The following RAP1GAP2 variants were observed in gnomAD, a reference collection of about 807,000 sequenced individuals.
RAP1GAP2 encodes RAP1 GTPase activating protein 2, also known as rap1 GTPase-activating protein 2.
In RAP1GAP2, 27 loss-of-function variants were observed where a neutral mutation model predicts 95.0. That is an observed-to-expected ratio of 0.28 (90% CI 0.21 to 0.39). The LOEUF (loss-of-function observed/expected upper bound fraction) is 0.39. RAP1GAP2 is among the 10% of genes least tolerant of loss of function. The probability of loss-of-function intolerance (pLI) is 1.00; values close to 1 mark genes in which losing one functional copy is unlikely to be tolerated. For missense variants in RAP1GAP2, 771 were observed against 970.0 expected (o/e 0.79, Z 2.72); for synonymous variants, 373 against 380.9 (o/e 0.98, Z 0.24).
chr17:2,766,481 C>T (rs1280700686), intron 1 of RAP1GAP2, among the ~76,000 whole-genome samples: 2 of 151,728 alleles, frequency 1.3e-5, no homozygotes, highest in Non-Finnish European at 2.9e-5. Flanking sequence ...ACTAAAAATA[C>T]AAAAAATTGT....
intron 2 of RAP1GAP2, among the ~76,000 whole-genome samples, chr17:2,864,589 G>C (rs945804971): frequency 6.6e-6 from 1 of 152,224 alleles, no homozygotes; most frequent in African/African-American, 2.4e-5. Flanking sequence ...AGGACGGGAC[G>C]TACGGTGTGG....
At chr17:3,009,929 G>T (rs781206180) in intron 17 of RAP1GAP2, among the ~76,000 whole-genome samples, 1 of 152,082 alleles carries the variant, frequency 6.6e-6, no homozygotes, top group Admixed American at 6.5e-5. Flanking sequence ...AGGCAGGAAG[G>T]GGGGCACCAC....
chr17:3,002,640 C>T (rs2046200022), intron 14 of RAP1GAP2, among the ~76,000 whole-genome samples: 1 of 152,194 alleles, frequency 6.6e-6, no homozygotes. Flanking sequence ...CCCAGGAGGC[C>T]TCCACTGGGG....
intron 3 of RAP1GAP2, among the ~76,000 whole-genome samples, chr17:2,949,162 A>G (rs968701821): frequency 1.1e-4 from 16 of 152,186 alleles, no homozygotes; most frequent in Admixed American, 4.6e-4. Context: ...GTGGTTATCT[A>G]TTGACTGGCT....
chr17:2,834,658 A>G (rs772109435), intron 2 of RAP1GAP2, among the ~76,000 whole-genome samples: 38 of 152,092 alleles, frequency 2.5e-4, no homozygotes, highest in Admixed American at 1.6e-3. Context: ...TTAGCTGGGC[A>G]TGGTGGCAGG....
In RAP1GAP2 at chr17:2,825,431, G is replaced by A. The variant is rs1211727616; in HGVS notation, c.80+24881G>A. On this transcript the variant is annotated intron_variant, in intron 2 of 24. Transcript: ENST00000254695. The surrounding 1 kb of genome is among the most constrained non-coding windows in gnomAD (Gnocchi z 4.1). Reference sequence around the variant, plus strand: ...CTTTGACTGAGCTGTTGACAGCACCGAGGCCAGAGGCAGGAGAAATGAAGC... The same window carrying A: ...CTTTGACTGAGCTGTTGACAGCACCAAGGCCAGAGGCAGGAGAAATGAAGC... Among the ~76,000 whole-genome samples the A allele has an allele frequency of 1.3e-5, 2 of 152,134 alleles. No homozygotes were observed. Among genetic ancestry groups the A allele is most frequent in the Admixed American group, 6.6e-5 (1 of 15,252 alleles).
intron 12 of RAP1GAP2, among the ~76,000 whole-genome samples, chr17:2,992,036 G>T (rs2045774039): frequency 6.6e-6 from 1 of 152,102 alleles, no homozygotes; most frequent in Admixed American, 6.6e-5. Context: ...AAAGTGCTAG[G>T]ATTACCGGCG....
intron 2 of RAP1GAP2, among the ~76,000 whole-genome samples, chr17:2,801,795 A>C (rs1310560312): frequency 5.3e-5 from 8 of 152,066 alleles, no homozygotes; most frequent in Admixed American, 3.9e-4. Flanking sequence ...CCGTCTGCTG[A>C]GGTCCGAAGC....
At chr17:2,910,228 G>A (rs1182298080) in intron 3 of RAP1GAP2, among the ~76,000 whole-genome samples, 1 of 152,170 alleles carries the variant, frequency 6.6e-6, no homozygotes, top group Non-Finnish European at 1.5e-5. Flanking sequence ...CCTGGGACTT[G>A]TTTATGGTTG....
chr17:2,959,935 G>A (rs954335126), intron 4 of RAP1GAP2, among the ~76,000 whole-genome samples: 2 of 151,992 alleles, frequency 1.3e-5, no homozygotes, highest in Non-Finnish European at 2.9e-5. Flanking sequence ...GACCAGCCTG[G>A]CCAACCTGGT....
chr17:2,832,961 G>A (rs1474984363), intron 2 of RAP1GAP2, among the ~76,000 whole-genome samples: 1 of 151,936 alleles, frequency 6.6e-6, no homozygotes, highest in Non-Finnish European at 1.5e-5. Context: ...CCGGGTCACA[G>A]AGCAAGACTG....
intron 1 of RAP1GAP2, among the ~76,000 whole-genome samples, chr17:2,780,279 G>T (rs749544644): frequency 6.6e-6 from 1 of 152,208 alleles, no homozygotes; most frequent in Non-Finnish European, 1.5e-5. Context: ...TCGAACTCCT[G>T]ACCTCAGGTG....
At chr17:2,978,032 A>G (rs1028213365) in intron 8 of RAP1GAP2, among the ~76,000 whole-genome samples, 1 of 152,078 alleles carries the variant, frequency 6.6e-6, no homozygotes, top group Admixed American at 6.6e-5. Context: ...TCACCCACAC[A>G]TGTCATCCTC....
chr17:2,923,557 C>A (rs1468775206), intron 3 of RAP1GAP2, among the ~76,000 whole-genome samples: 2 of 151,782 alleles, frequency 1.3e-5, no homozygotes, highest in Admixed American at 6.6e-5. Context: ...TGGTCTCGAA[C>A]TCCTGACCTC....
chr17:2,865,979 C>T (rs1226107305), intron 2 of RAP1GAP2, among the ~76,000 whole-genome samples: 7 of 152,218 alleles, frequency 4.6e-5, no homozygotes, highest in Non-Finnish European at 5.9e-5. Context: ...CCCTCCCTGC[C>T]TCCAGCAGCC....
intron 7 of RAP1GAP2, chr17:2,964,697 A>C (rs1273196308): frequency 1.3e-5 from 2 of 153,108 alleles, no homozygotes; most frequent in Non-Finnish European, 2.9e-5. Context: ...CTCTGTTTCC[A>C]TCTAAATCAC....
At chr17:2,977,349 C>A (rs759581479) in intron 8 of RAP1GAP2, among the ~76,000 whole-genome samples, 5 of 152,090 alleles carry the variant, frequency 3.3e-5, no homozygotes, top group African/African-American at 1.2e-4. Flanking sequence ...TGAATTAGTA[C>A]GCAAAAGTAT....
intron 2 of RAP1GAP2, 33 bp downstream of exon 2, chr17:2,800,583 G>A (rs1182814915): frequency 1.2e-6 from 2 of 1,606,050 alleles, no homozygotes; most frequent in Non-Finnish European, 1.7e-6. Context: ...GTAAAGGTCA[G>A]AGATGACGCG....
intron 17 of RAP1GAP2, among the ~76,000 whole-genome samples, chr17:3,017,777 G>A (rs894343116): frequency 2.0e-5 from 3 of 152,084 alleles, no homozygotes; most frequent in Non-Finnish European, 2.9e-5. Flanking sequence ...TTTGTCCACC[G>A]TGCAGGGGAG....
Sources: allele counts gnomAD v4.1 joint callset (sites outside exome capture counted in the v4.1 genomes callset), GRCh38; gene constraint gnomAD v4.1.1; non-coding constraint Gnocchi (gnomAD v3.1); transcripts MANE v1.5; gene names NCBI Gene and HGNC (gene_info 2026-07-23, HGNC 2026-07-21).